Variants in CHRNA7 observed in about 807,000 individuals in gnomAD.
The protein encoded by CHRNA7 is neuronal acetylcholine receptor subunit alpha-7.
Under a neutral mutation model 48.0 loss-of-function variants are expected in CHRNA7, and 17 were observed. The observed-to-expected ratio is 0.35, with a 90% CI of 0.24 to 0.53. CHRNA7 has a LOEUF of 0.53. CHRNA7 is among the 20% of genes least tolerant of loss of function. CHRNA7 has a pLI of 0.92. For missense variants in CHRNA7, 155 were observed against 577.7 expected, an observed-to-expected ratio of 0.27 and a Z score of 7.50; for synonymous variants, 75 against 242.3, an observed-to-expected ratio of 0.31 and a Z score of 6.41.
chr15:32,111,487 A>G, intron 3 of CHRNA7: 1 of 275,776 alleles, frequency 3.6e-6, no homozygotes, highest in Non-Finnish European at 6.7e-6. Context: ...ATTTGGCTAG[A>G]AGTAACCCAT....
At chr15:32,120,717 C>T (rs544166240) in intron 4 of CHRNA7, among the ~76,000 whole-genome samples, 3 of 152,128 alleles carry the variant, frequency 2.0e-5, no homozygotes, top group South Asian at 4.1e-4. Flanking sequence ...CATGTGGCAA[C>T]GGGCCAGTCC....
chr15:32,047,636 C>T (rs1328036897), intron 2 of CHRNA7, among the ~76,000 whole-genome samples: 1 of 152,054 alleles, frequency 6.6e-6, no homozygotes, highest in Non-Finnish European at 1.5e-5. Flanking sequence ...ATTTGACTTC[C>T]TCTTTTCCTA....
chr15:32,110,016 C>G lies in CHRNA7; in HGVS notation c.241-1774C>G, dbSNP rs557935610. Among the ~76,000 whole-genome samples, 7 of 152,304 alleles carry G rather than the reference C, an allele frequency of 4.6e-5. No individual in the cohort carries two copies. In the South Asian group the frequency reaches 1.5e-3, roughly 32 times the overall value. ...CAGGCAGAGGAGAAGGAGAGAAGTG[C>G]CTTGGCCTACCATGCCCACTTTCCA... On this transcript the variant is annotated intron_variant, in intron 3 of 9. Transcript: ENST00000306901.
rs375004830 is a variant in CHRNA7, at chr15:32,101,262, A to G, written c.196-41A>G. ...AATTGTCTCATTCTTTCTTTTGTAAACCATATTATTTATGCTGCTGCTTTT... is the reference window on the plus strand; with the variant it reads ...AATTGTCTCATTCTTTCTTTTGTAAGCCATATTATTTATGCTGCTGCTTTT... On this transcript the variant is annotated intron_variant, in intron 2 of 9. Coordinates refer to ENST00000306901, the MANE Select transcript of CHRNA7 (RefSeq NM_000746.6). The G allele has an allele frequency of 5.7e-6, 9 of 1,573,776 alleles. No individual in the cohort carries two copies. In the African/African-American group the frequency reaches 8.4e-5, roughly 15 times the overall value.
At chr15:32,053,931 A>G (rs1362019172) in intron 2 of CHRNA7, among the ~76,000 whole-genome samples, 1 of 152,188 alleles carries the variant, frequency 6.6e-6, no homozygotes, top group African/African-American at 2.4e-5. Context: ...TGCAGTTGTC[A>G]TGGTTAATGA....
intron 2 of CHRNA7, among the ~76,000 whole-genome samples, chr15:32,095,544 A>G (rs911997034): frequency 5.3e-5 from 8 of 152,154 alleles, no homozygotes; most frequent in African/African-American, 1.9e-4. Context: ...TTATTGTTGC[A>G]AATCTCCTTA....
chr15:32,118,209 GA>G (rs2050906874), intron 4 of CHRNA7, among the ~76,000 whole-genome samples: 2 of 152,162 alleles, frequency 1.3e-5, no homozygotes, highest in African/African-American at 4.8e-5. Context: ...TGGCACTACA[GA>G]GAGTCCCCAC....
chr15:32,114,149 G>C (rs577659321), intron 4 of CHRNA7, among the ~76,000 whole-genome samples: 59 of 149,250 alleles, frequency 4.0e-4, no homozygotes, highest in South Asian at 1.1e-3. Context: ...CACACAGAGA[G>C]AGAGAGAGAG....
At chr15:32,113,265 C>G (rs2141282336) in intron 4 of CHRNA7, among the ~76,000 whole-genome samples, 1 of 152,300 alleles carries the variant, frequency 6.6e-6, no homozygotes, top group Non-Finnish European at 1.5e-5. Flanking sequence ...TTGTCTCTGT[C>G]CGTGCCCTAG....
intron 4 of CHRNA7, among the ~76,000 whole-genome samples, chr15:32,126,083 C>T (rs557231139): frequency 2.6e-5 from 4 of 152,168 alleles, no homozygotes; most frequent in Admixed American, 2.6e-4. Flanking sequence ...TTGTGCTTCT[C>T]ATTTTCCCAG....
chr15:32,079,852 C>CA (rs1324243679), intron 2 of CHRNA7, among the ~76,000 whole-genome samples: 1 of 151,534 alleles, frequency 6.6e-6, no homozygotes, highest in African/African-American at 2.4e-5. Flanking sequence ...CAATTCCAAG[C>CA]AAAAAAGAAC....
At chr15:32,045,627 C>T (rs2049527728) in intron 2 of CHRNA7, among the ~76,000 whole-genome samples, 3 of 151,752 alleles carry the variant, frequency 2.0e-5, no homozygotes, top group African/African-American at 7.3e-5. Context: ...ACCTCTCTCT[C>T]CCGGGTTCCA....
At chr15:32,045,541 G>GTT (rs749524106) in intron 2 of CHRNA7, among the ~76,000 whole-genome samples, 16 of 145,052 alleles carry the variant, frequency 1.1e-4, no homozygotes, top group Non-Finnish European at 1.7e-4. Context: ...TCTTCAATAA[G>GTT]TTTTTTTTTT....
In CHRNA7 at chr15:32,038,084, G is replaced by A. The variant is rs148136354; in HGVS notation, c.195+7047G>A. 9.1e-3 allele frequency among the ~76,000 whole-genome samples: 1,263 copies of A among 138,120 alleles called. 22 individuals carry two copies. The highest frequency in any genetic ancestry group is 0.033 in the African/African-American group (1,203 of 36,632). 90.6% of individuals were successfully genotyped at this position (138,120 alleles called of 152,430 possible). On this transcript the variant is annotated intron_variant, in intron 2 of 9. Transcript: ENST00000306901. ...TATATATATATATAAATATACATAT[G>A]TACATACATTTTGTGTATATGTAAA...
At chr15:32,151,704 C>T (rs1228191434) in intron 4 of CHRNA7, among the ~76,000 whole-genome samples, 1 of 152,274 alleles carries the variant, frequency 6.6e-6, no homozygotes, top group South Asian at 2.1e-4. Context: ...ATTTTTCTCT[C>T]TTTTTTCTAA....
intron 2 of CHRNA7, among the ~76,000 whole-genome samples, chr15:32,087,101 A>G (rs1276652630): frequency 2.6e-5 from 4 of 152,228 alleles, no homozygotes; most frequent in Admixed American, 6.5e-5. Flanking sequence ...GTGTCTACAT[A>G]AATTGAAATT....
At chr15:32,121,719 A>G (rs2050974058) in intron 4 of CHRNA7, among the ~76,000 whole-genome samples, 1 of 152,164 alleles carries the variant, frequency 6.6e-6, no homozygotes, top group South Asian at 2.1e-4. Context: ...ACTGCTGTTA[A>G]TGGTGCCTTT....
At chr15:32,150,898 C>T (rs1336580442) in intron 4 of CHRNA7, among the ~76,000 whole-genome samples, 3 of 151,922 alleles carry the variant, frequency 2.0e-5, no homozygotes, top group Admixed American at 2.0e-4. Flanking sequence ...ATATTTACAT[C>T]TTGATCCTAC....
intron 4 of CHRNA7, among the ~76,000 whole-genome samples, chr15:32,132,760 C>T (rs990480736): frequency 2.0e-5 from 3 of 152,146 alleles, no homozygotes; most frequent in African/African-American, 7.2e-5. Context: ...CCCCTGTGAC[C>T]TGATTTAACC....
Sources: allele counts gnomAD v4.1 joint callset (sites outside exome capture counted in the v4.1 genomes callset), GRCh38; gene constraint gnomAD v4.1.1; transcripts MANE v1.5; gene names NCBI Gene and HGNC (gene_info 2026-07-23, HGNC 2026-07-21).